Variants in CABYR observed in about 807,000 individuals in gnomAD.
The protein encoded by CABYR is calcium-binding tyrosine phosphorylation-regulated protein.
In CABYR, 31 loss-of-function variants were observed where a neutral mutation model predicts 36.1. The observed-to-expected ratio is 0.86, with a 90% confidence interval of 0.64 to 1.16. CABYR has a LOEUF of 1.16. Among genes scored for constraint, CABYR ranks in the 50% most tolerant of loss-of-function variants. The pLI, the probability that CABYR is intolerant of heterozygous loss-of-function variation, is 0.00. For missense variants in CABYR, 429 were observed against 455.8 expected (o/e 0.94, Z 0.53); for synonymous variants, 146 against 160.7 (o/e 0.91, Z 0.69).
chr18:24,148,363 G>A (rs1339015154), intron 3 of CABYR, among the ~76,000 whole-genome samples: 1 of 152,130 alleles, frequency 6.6e-6, no homozygotes, highest in Non-Finnish European at 1.5e-5. Context: ...TATCACCTGG[G>A]GCTGGGTACA....
intron 3 of CABYR, among the ~76,000 whole-genome samples, chr18:24,150,828 G>C (rs2085610125): frequency 6.7e-6 from 1 of 148,554 alleles, no homozygotes; most frequent in South Asian, 2.1e-4. Flanking sequence ...GCCCCAGGCT[G>C]GAGTGCAGTA....
chr18:24,161,408 G>C (rs1013041252), intron 5 of CABYR, 108 bp from the exon 6 acceptor site: 24 of 691,772 alleles, frequency 3.5e-5, no homozygotes, highest in Non-Finnish European at 6.2e-5. Flanking sequence ...GTTAAGCTTA[G>C]TAACAGAGCA....
Position 24,155,923 on chromosome 18 carries a change from C to T in CABYR, c.422C>T (p.Ser141Phe). Residue 141 changes from serine (S) to phenylalanine (F), a missense_variant, in exon 4 of 6, where the codon TCT becomes TTT. By Grantham distance (155) the Ser-to-Phe change is radical (BLOSUM62 -2). Coordinates refer to ENST00000399496, the MANE Select transcript of CABYR (RefSeq NM_153769.3). The stretch of plus-strand genomic sequence containing the variant: ...CAAACGGAAGCAGTTGGTGGTCTTT[C>T]TTCCAAACCAGCCACCCCTAAGACT... ...TEQTEAVGGL[S>F]SKPATPKTTT... The T allele has an allele frequency of 6.2e-7, 1 of 1,614,204 alleles. No homozygotes were observed. The highest frequency in any genetic ancestry group is 8.5e-7 in the Non-Finnish European group (1 of 1,180,036).
chr18:24,147,769 A>G (rs549221231), intron 3 of CABYR, among the ~76,000 whole-genome samples: 3 of 152,194 alleles, frequency 2.0e-5, no homozygotes, highest in Non-Finnish European at 4.4e-5. Context: ...ATGGTATCTA[A>G]AGAGCAGCAT....
intron 3 of CABYR, among the ~76,000 whole-genome samples, chr18:24,148,011 A>G (rs1034474604): frequency 6.6e-6 from 1 of 152,188 alleles, no homozygotes; most frequent in African/African-American, 2.4e-5. Context: ...CCCTCATGCT[A>G]CTGCTCCAGG....
intron 3 of CABYR, among the ~76,000 whole-genome samples, chr18:24,146,018 C>T (rs946697007): frequency 2.0e-5 from 3 of 152,108 alleles, no homozygotes; most frequent in East Asian, 1.9e-4. Context: ...GCCTTTACAA[C>T]GTGTCATTTA....
intron 3 of CABYR, chr18:24,150,458 T>C (rs2085591035): frequency 9.4e-6 from 3 of 319,592 alleles, no homozygotes; most frequent in Middle Eastern, 1.6e-3. Flanking sequence ...CTGTGCTGAC[T>C]ACATTGTCAT....
chr18:24,142,192 T>C (rs973146294), intron 1 of CABYR, among the ~76,000 whole-genome samples: 4 of 151,866 alleles, frequency 2.6e-5, no homozygotes, highest in Admixed American at 1.3e-4. Flanking sequence ...TGGTGGCCAG[T>C]ACCTGTAATC....
At position 24,143,417 on chromosome 18, in the gene CABYR, A is replaced by G; in HGVS notation, c.199+4A>G. ...AAACAATTTCATCAGATTAAAGGTAAGTACCACAAGTAGTAATAGTTTTAA... is the reference window on the plus strand; with the variant it reads ...AAACAATTTCATCAGATTAAAGGTAGGTACCACAAGTAGTAATAGTTTTAA... On this transcript the variant is annotated splice_donor_region_variant and intron_variant, in intron 3 of 5. Coordinates refer to ENST00000399496, the MANE Select transcript of CABYR (RefSeq NM_153769.3). 2 of 1,459,172 alleles carry G rather than the reference A, an allele frequency of 1.4e-6. No homozygotes were observed. The highest frequency in any genetic ancestry group is 1.9e-5 in the Admixed American group (1 of 53,830). 90.4% of individuals were successfully genotyped at this position (1,459,172 alleles called of 1,614,324 possible). A position where few individuals can be genotyped will look rare whatever the true frequency, so the allele number is the denominator to read the frequency against.
chr18:24,153,458 AG>A (rs1568462260), intron 3 of CABYR, among the ~76,000 whole-genome samples: 1 of 152,176 alleles, frequency 6.6e-6, no homozygotes, highest in Non-Finnish European at 1.5e-5. Context: ...CTGGAGTCCC[AG>A]GTAATTCCAG....
At chr18:24,159,080 G>A (rs2085875836) in intron 4 of CABYR, among the ~76,000 whole-genome samples, 1 of 152,212 alleles carries the variant, frequency 6.6e-6, no homozygotes, top group South Asian at 2.1e-4. Flanking sequence ...CTATGCAGAT[G>A]CACTAACGCT....
chr18:24,150,937 G>T (rs1046484032), intron 3 of CABYR, among the ~76,000 whole-genome samples: 1 of 151,838 alleles, frequency 6.6e-6, no homozygotes, highest in Admixed American at 6.6e-5. Context: ...CCGCCACCAC[G>T]CCCGGCTAAT....
chr18:24,153,710 TTATC>T (rs765019913), intron 3 of CABYR, among the ~76,000 whole-genome samples: 26 of 152,206 alleles, frequency 1.7e-4, no homozygotes, highest in Non-Finnish European at 2.5e-4. Context: ...TTTTTGTGGC[TTATC>T]TATCTGGCTT....
chr18:24,141,864 G>A (rs1229765734), intron 1 of CABYR, among the ~76,000 whole-genome samples: 1 of 152,226 alleles, frequency 6.6e-6, no homozygotes, highest in South Asian at 2.1e-4. Context: ...TTTGGGAAGA[G>A]GGTAAGGGAG....
intron 3 of CABYR, among the ~76,000 whole-genome samples, chr18:24,150,292 A>G (rs888513875): frequency 1.3e-5 from 2 of 152,210 alleles, no homozygotes; most frequent in African/African-American, 4.8e-5. Context: ...TACCTAGGAT[A>G]GGCTGAATGG....
intron 2 of CABYR, 24 bp from the exon 3 acceptor site, chr18:24,143,336 G>C: frequency 6.3e-7 from 1 of 1,593,454 alleles, no homozygotes; most frequent in Non-Finnish European, 8.6e-7. Context: ...ATCTGTATTT[G>C]ATTTCCTGTA....
intron 3 of CABYR, among the ~76,000 whole-genome samples, chr18:24,153,349 G>A (rs528574560): frequency 2.0e-5 from 3 of 152,130 alleles, no homozygotes; most frequent in Non-Finnish European, 2.9e-5. Context: ...TCTCTGTCTT[G>A]ATAATAGGAG....
intron 4 of CABYR, chr18:24,156,936 C>G: frequency 4.3e-6 from 7 of 1,612,402 alleles, no homozygotes; most frequent in Non-Finnish European, 5.9e-6. Context: ...TCCAGAAGGC[C>G]TTACTGCACC....
intron 3 of CABYR, among the ~76,000 whole-genome samples, chr18:24,155,237 C>T (rs932894704): frequency 1.3e-5 from 2 of 152,152 alleles, no homozygotes; most frequent in Admixed American, 6.5e-5. Context: ...AGGTTTTCAG[C>T]TTCCTTAGTT....
Sources: gnomAD v4.1 joint callset for allele counts (sites outside exome capture counted in the v4.1 genomes callset) on GRCh38, gnomAD v4.1.1 for gene constraint, MANE v1.5 for transcripts, NCBI Gene and HGNC (gene_info 2026-07-23, HGNC 2026-07-21) for gene names.